Variants in RBFOX1 observed in about 807,000 individuals in gnomAD.
RBFOX1 encodes the protein RNA binding protein fox-1 homolog 1.
A neutral mutation model predicts 57.7 loss-of-function variants in RBFOX1; 8 were observed. The observed-to-expected ratio is 0.14, with a 90% CI of 0.08 to 0.25. The LOEUF is 0.25. Ranked by LOEUF, RBFOX1 falls within the 10% of genes least tolerant of loss-of-function variation. The probability of loss-of-function intolerance (pLI) is 1.00; values close to 1 mark genes in which losing one functional copy is unlikely to be tolerated. For synonymous variants in RBFOX1, 326 were observed against 222.4 expected (o/e 1.47, Z -4.15); for missense variants, 611 against 548.5 (o/e 1.11, Z -1.14).
At chr16:6,417,729 C>T (rs1184520823) in intron 2 of RBFOX1, among the ~76,000 whole-genome samples, 2 of 149,418 alleles carry the variant, frequency 1.3e-5, no homozygotes, top group Non-Finnish European at 3.0e-5. Context: ...AAATTAAGTT[C>T]AAGGGTATAA....
intron 3 of RBFOX1, among the ~76,000 whole-genome samples, chr16:6,833,800 G>A (rs2092888516): frequency 6.6e-6 from 1 of 152,180 alleles, no homozygotes; most frequent in Non-Finnish European, 1.5e-5. Context: ...TAGCATTGAG[G>A]TTGATGGGTA....
At chr16:6,912,596 T>G (rs908989139) in intron 3 of RBFOX1, among the ~76,000 whole-genome samples, 6 of 141,214 alleles carry the variant, frequency 4.2e-5, no homozygotes, top group Non-Finnish European at 7.6e-5. Flanking sequence ...TTTCTTGCTT[T>G]CTTTTCTTGT....
intron 1 of RBFOX1, among the ~76,000 whole-genome samples, chr16:6,116,980 C>T (rs1426919081): frequency 2.6e-5 from 4 of 152,126 alleles, no homozygotes; most frequent in Non-Finnish European, 5.9e-5. Context: ...TACTAGAAGT[C>T]CTTTCAAGAG....
At chr16:7,323,973 A>G (rs899578141) in intron 4 of RBFOX1, among the ~76,000 whole-genome samples, 3 of 152,130 alleles carry the variant, frequency 2.0e-5, no homozygotes, top group African/African-American at 7.2e-5. Context: ...TTGGTCATCA[A>G]ATCAGTTTTG....
At chr16:5,687,126 C>T (rs2050528924) in intron 3 of RBFOX1, among the ~76,000 whole-genome samples, 1 of 152,172 alleles carries the variant, frequency 6.6e-6, no homozygotes, top group African/African-American at 2.4e-5. Flanking sequence ...ACCCTGTCTA[C>T]TCTTTTATAG....
At chr16:7,674,803 C>A (rs139165895) in intron 13 of RBFOX1, among the ~76,000 whole-genome samples, 19 of 152,188 alleles carry the variant, frequency 1.2e-4, no homozygotes, top group African/African-American at 4.6e-4. Context: ...TTGTTTGCAC[C>A]GCAGCAATTC....
chr16:5,282,077 C>G (rs9941192), intron 1 of RBFOX1, among the ~76,000 whole-genome samples: 2,254 of 151,948 alleles, frequency 0.015, 25 homozygotes, highest in Middle Eastern at 0.065. Flanking sequence ...TGAATTGTGG[C>G]GGCAGGTCTT....
intron 11 of RBFOX1, among the ~76,000 whole-genome samples, chr16:7,635,927 C>T (rs2061680315): frequency 6.6e-6 from 1 of 152,190 alleles, no homozygotes; most frequent in Non-Finnish European, 1.5e-5. Context: ...TCTCCTGTCT[C>T]AGCCTCCCAA....
chr16:5,633,454 A>G (rs992769193), intron 3 of RBFOX1, among the ~76,000 whole-genome samples: 1 of 152,196 alleles, frequency 6.6e-6, no homozygotes, highest in African/African-American at 2.4e-5. Context: ...CACTGGAGCA[A>G]CGACTCTCTA....
intron 2 of RBFOX1, among the ~76,000 whole-genome samples, chr16:5,495,898 G>C (rs1340423314): frequency 1.3e-5 from 2 of 152,202 alleles, no homozygotes; most frequent in African/African-American, 4.8e-5. Context: ...GGCCGAGGCG[G>C]GCAGATCACC....
intron 2 of RBFOX1, among the ~76,000 whole-genome samples, chr16:6,390,313 C>T (rs1381325165): frequency 6.6e-6 from 1 of 152,110 alleles, no homozygotes; most frequent in East Asian, 1.9e-4. Flanking sequence ...CTGCCCCTCC[C>T]CACCCCCAAA....
chr16:7,153,746 G>A (rs779705840), intron 4 of RBFOX1, among the ~76,000 whole-genome samples: 4 of 139,228 alleles, frequency 2.9e-5, no homozygotes, highest in Middle Eastern at 3.7e-3. Flanking sequence ...AAAAAATAAG[G>A]AAAGAAAGAA....
chr16:7,053,745 G>C (rs371972704), intron 4 of RBFOX1, among the ~76,000 whole-genome samples: 2 of 152,142 alleles, frequency 1.3e-5, no homozygotes, highest in East Asian at 3.9e-4. Flanking sequence ...TGCAGGGAGT[G>C]GCTTGATATT....
chr16:7,446,063 C>G (rs1450505715), intron 4 of RBFOX1, among the ~76,000 whole-genome samples: 1 of 152,226 alleles, frequency 6.6e-6, no homozygotes, highest in Non-Finnish European at 1.5e-5. Context: ...TCCCCTGCTA[C>G]TCCATCTTGT....
intron 4 of RBFOX1, among the ~76,000 whole-genome samples, chr16:7,175,450 T>G (rs2081469702): frequency 6.6e-6 from 1 of 152,168 alleles, no homozygotes; most frequent in Non-Finnish European, 1.5e-5. Context: ...CTCCTCCCCC[T>G]TTAACGTGGA....
intron 11 of RBFOX1, 111 bp from the exon 12 acceptor site, chr16:7,653,704 G>A: frequency 1.3e-6 from 2 of 1,482,166 alleles, no homozygotes; most frequent in Non-Finnish European, 1.8e-6. Context: ...GCGGGCGGGG[G>A]TCCTGCTGGG....
At chr16:7,486,381 G>A (rs916732333) in intron 4 of RBFOX1, among the ~76,000 whole-genome samples, 2 of 151,816 alleles carry the variant, frequency 1.3e-5, no homozygotes, top group Non-Finnish European at 2.9e-5. Context: ...GATCCACCCT[G>A]TCCCCCGGCT....
rs546873598 is a variant in RBFOX1, at chr16:6,025,043, G to C, written c.-127+5051G>C. Among the ~76,000 whole-genome samples, 3 of 152,314 alleles carry C rather than the reference G, an allele frequency of 2.0e-5. No homozygotes were observed. In the East Asian group the frequency reaches 5.8e-4, roughly 29 times the overall value. ...CCTATAGGCCCTTGTGGCCTGGGAA[G>C]GGACCCTGGCTGTTATTCTAATGGG... On this transcript the variant is annotated intron_variant, in intron 1 of 15. Coordinates refer to ENST00000550418, the MANE Select transcript of RBFOX1 (RefSeq NM_018723.4).
intron 3 of RBFOX1, among the ~76,000 whole-genome samples, chr16:6,825,191 G>A (rs1242239636): frequency 2.0e-5 from 3 of 149,716 alleles, no homozygotes; most frequent in Non-Finnish European, 3.0e-5. Flanking sequence ...TTCTTGTGGG[G>A]GGGCTGACGT....
Sources: gnomAD v4.1 joint callset for allele counts (sites outside exome capture counted in the v4.1 genomes callset) on GRCh38, gnomAD v4.1.1 for gene constraint, MANE v1.5 for transcripts, NCBI Gene and HGNC (gene_info 2026-07-23, HGNC 2026-07-21) for gene names.